Variants in C1orf35 observed in about 807,000 individuals in gnomAD.
C1orf35 encodes the protein chromosome 1 open reading frame 35, also known as multiple myeloma tumor-associated protein 2.
Under a neutral mutation model 30.9 loss-of-function variants are expected in C1orf35, and 36 were observed. The observed-to-expected ratio is 1.16, with a 90% CI of 0.89 to 1.54. The LOEUF (loss-of-function observed/expected upper bound fraction) is 1.54, where lower values mean the gene tolerates loss of function less well. Ranked by LOEUF, C1orf35 falls within the 40% of genes most tolerant of loss-of-function variation. The pLI is 0.00. For synonymous variants in C1orf35, 179 were observed against 148.2 expected (o/e 1.21, Z -1.51); for missense variants, 396 against 358.7 (o/e 1.10, Z -0.84).
rs773858150 is a variant in C1orf35, at chr1:228,102,281, T to C, written c.447+29A>G. The C allele has an allele frequency of 8.7e-6, 14 of 1,607,326 alleles. No individual in the cohort carries two copies. The East Asian group carries it at 2.0e-4, about 23-fold the overall frequency. On this transcript the variant is annotated intron_variant, in intron 5 of 7. Transcript: ENST00000272139. ...GCCCCGCCCCACCCCTGTTAGCCCC[T>C]GCTGCGGTCAGGCGGGGCGGGGGAT...
At chr1:228,102,232 C>G in intron 5 of C1orf35, 67 bp from the exon 6 acceptor site, 1 of 1,570,768 alleles carries the variant, frequency 6.4e-7, no homozygotes, top group South Asian at 1.1e-5. Context: ...CGCAGCGCCC[C>G]GGGGAGCTCC....
Position 228,102,488 on chromosome 1 carries a change from C to T in C1orf35, c.364G>A (p.Gly122Arg). 6.4e-7 allele frequency: 1 copy of T among 1,558,918 alleles called. No homozygotes were observed. The highest frequency in any genetic ancestry group is 8.7e-7 in the Non-Finnish European group (1 of 1,155,692). Residue 122 changes from glycine to arginine, a missense_variant, in exon 4 of 8, where the codon GGG (glycine) becomes AGG (arginine). By Grantham distance (125) the Gly-to-Arg change is moderately radical. Coordinates refer to ENST00000272139, the MANE Select transcript of C1orf35 (RefSeq NM_024319.4). ...EKGVDRLLGL[G>R]SASGSVGRVA... ...GAAACCCGCCCGCACCTTGCGCTCC[C>T]CAGCCCCAGCAGCCGGTCCACGCCC... is the stretch of plus-strand genomic sequence containing the variant.
chr1:228,102,839 C>G (rs1025884996), intron 2 of C1orf35, 60 bp downstream of exon 2: 23 of 1,385,506 alleles, frequency 1.7e-5, no homozygotes, highest in Non-Finnish European at 2.1e-5. Flanking sequence ...CGGCCCCGGC[C>G]CCACCCTGCC....
chr1:228,102,292 G>C lies in C1orf35; in HGVS notation c.447+18C>G, dbSNP rs920409852. 1.2e-6 allele frequency: 2 copies of C among 1,609,690 alleles called. No homozygotes were observed. Among genetic ancestry groups the C allele is most frequent in the East Asian group, 2.2e-5 (1 of 44,732 alleles). The stretch of plus-strand genomic sequence containing the variant: ...CCCCTGTTAGCCCCTGCTGCGGTCA[G>C]GCGGGGCGGGGGATTACCGTGAACA... On this transcript the variant is annotated intron_variant, in intron 5 of 7. Transcript: ENST00000272139.
At position 228,102,295 on chromosome 1, in the gene C1orf35, G is replaced by A. The variant is rs528084635; in HGVS notation, c.447+15C>T. On this transcript the variant is annotated intron_variant, in intron 5 of 7. Transcript: ENST00000272139. ...CTGTTAGCCCCTGCTGCGGTCAGGC[G>A]GGGCGGGGGATTACCGTGAACACAG... is the stretch of plus-strand genomic sequence containing the variant. The A allele has an allele frequency of 2.3e-5, 37 of 1,609,978 alleles. No homozygotes were observed. Among genetic ancestry groups the A allele is most frequent in the East Asian group, 2.0e-4 (9 of 44,732 alleles).
Position 228,102,538 on chromosome 1 carries a change from C to G in C1orf35, c.314G>C (p.Arg105Pro). The stretch of plus-strand genomic sequence containing the variant: ...CTTCTCCTCGGGGTCGCCTCCTTCC[C>G]GCTTGCAGACCTCCGCGAAGTCCTG... ...SKEDFAEVCK[R>P]EGGDPEEKGV... is the part of the protein sequence containing the mutation. The change falls in exon 4 of 8, where the codon CGG (arginine) becomes CCG (proline). Residue 105 changes from arginine to proline, a missense_variant. Arg to Pro is a moderately radical substitution (Grantham distance 103, BLOSUM62 -2). Coordinates refer to ENST00000272139, the MANE Select transcript of C1orf35 (RefSeq NM_024319.4). The G allele has an allele frequency of 6.4e-7, 1 of 1,558,800 alleles. No individual in the cohort carries two copies. Among genetic ancestry groups the G allele is most frequent in the Non-Finnish European group, 8.7e-7 (1 of 1,155,108 alleles).
rs747081660 is a variant in C1orf35 at position 228,102,705 on chromosome 1, G to T, written c.246-17C>A. ...TTGTAGCCACTGCGAGAGGGCCGGG[G>T]CAGGCGTCAGGACGGACGGACCTCC... On this transcript the variant is annotated splice_polypyrimidine_tract_variant and intron_variant, in intron 2 of 7. Coordinates refer to ENST00000272139, the MANE Select transcript of C1orf35 (RefSeq NM_024319.4). 2 of 1,603,306 alleles carry T rather than the reference G, an allele frequency of 1.2e-6. No homozygotes were observed. Among genetic ancestry groups the T allele is most frequent in the Admixed American group, 3.4e-5 (2 of 59,244 alleles).
At position 228,101,115 on chromosome 1, in the gene C1orf35, G is replaced by A. The variant is rs376487721; in HGVS notation, c.*16C>T. 61 of 1,611,442 alleles carry A rather than the reference G, an allele frequency of 3.8e-5. No homozygotes were observed. In the African/African-American group the frequency reaches 7.3e-4, roughly 19 times the overall value. ...GGGTTCAGGGTCCCACAACAGCAGT[G>A]AGCAGGGTCCAGCCATCAGGCCTCA... On this transcript the variant is annotated 3_prime_UTR_variant, in exon 8 of 8. Transcript: ENST00000272139.
intron 6 of C1orf35, chr1:228,101,804 C>A: frequency 7.1e-7 from 1 of 1,413,138 alleles, no homozygotes; most frequent in South Asian, 1.6e-5. Flanking sequence ...GGAGGTGCCA[C>A]CCACGGCAGG....
rs1197560602 is a variant in C1orf35 at position 228,101,017 on chromosome 1, T to A, written c.*114A>T. On this transcript the variant is annotated 3_prime_UTR_variant, in exon 8 of 8. Coordinates refer to ENST00000272139, the MANE Select transcript of C1orf35 (RefSeq NM_024319.4). ...CCACAGGCTGGTGCCCAGAGCCACT[T>A]CCACAGGAGCAGCCTCGGGCTTCAC... 2 of 1,492,244 alleles carry A rather than the reference T, an allele frequency of 1.3e-6. No homozygotes were observed. The highest frequency in any genetic ancestry group is 2.8e-5 in the African/African-American group (2 of 72,510). 92.4% of individuals were successfully genotyped at this position (1,492,244 alleles called of 1,614,324 possible). A position where few individuals can be genotyped will look rare whatever the true frequency, so the allele number is the denominator to read the frequency against.
At position 228,102,304 on chromosome 1, in the gene C1orf35, G is replaced by T; in HGVS notation, c.447+6C>A. On this transcript the variant is annotated splice_donor_region_variant and intron_variant, in intron 5 of 7. Coordinates refer to ENST00000272139, the MANE Select transcript of C1orf35 (RefSeq NM_024319.4). ...CCTGCTGCGGTCAGGCGGGGCGGGG[G>T]ATTACCGTGAACACAGACAGCCCCA... 1 of 1,610,842 alleles carries T rather than the reference G, an allele frequency of 6.2e-7. No homozygotes were observed. The highest frequency in any genetic ancestry group is 8.5e-7 in the Non-Finnish European group (1 of 1,179,570).
At chr1:228,102,035 A>AC (rs1156669294) in intron 6 of C1orf35, 45 bp downstream of exon 6, 6 of 1,477,904 alleles carry the variant, frequency 4.1e-6, no homozygotes, top group East Asian at 4.9e-5. Context: ...TCCTCCCGAG[A>AC]CCCCCCACCC....
Position 228,101,414 on chromosome 1 carries a change from T to C in C1orf35, c.593A>G (p.Lys198Arg), listed in dbSNP as rs767052631. ...TTTGTCTTTCTTCTTCTTCTCTTTC[T>C]TGTGTTTCCTCTTTTTCTTTTTCTT... ...EKKKKKKRKH[K>R]KEKKKKDKEH... The change falls in exon 7 of 8, where the codon AAG (lysine) becomes AGG (arginine). Residue 198 changes from lysine (K) to arginine (R), a missense_variant. Coordinates refer to ENST00000272139, the MANE Select transcript of C1orf35 (RefSeq NM_024319.4). 8.7e-5 allele frequency: 140 copies of C among 1,613,948 alleles called. 1 individual carries two copies. The highest frequency in any genetic ancestry group is 3.8e-4 in the Admixed American group (23 of 59,990).
At position 228,102,167 on chromosome 1, in the gene C1orf35, T is replaced by C. The variant is rs769205183; in HGVS notation, c.448-2A>G. 6.3e-7 allele frequency: 1 copy of C among 1,580,942 alleles called. No homozygotes were observed. Among genetic ancestry groups the C allele is most frequent in the East Asian group, 2.3e-5 (1 of 43,966 alleles). The stretch of plus-strand genomic sequence containing the variant: ...CCCGCCGCTCTCTACGCGGTGATGC[T>C]GCGGGAGAAGCGAGCTCTGCGGAGG... On this transcript the variant is annotated splice_acceptor_variant, in intron 5 of 7. Coordinates refer to ENST00000272139, the MANE Select transcript of C1orf35 (RefSeq NM_024319.4). LOFTEE classifies it high-confidence loss of function.
chr1:228,102,566 G>A lies in C1orf35; in HGVS notation c.292-6C>T. ...TTGCAGACCTCCGCGAAGTCCTGCA[G>A]GTGCGAGAGCACAGGGAGCGCTCGA... On this transcript the variant is annotated splice_region_variant and splice_polypyrimidine_tract_variant and intron_variant, in intron 3 of 7. Transcript: ENST00000272139. The A allele has an allele frequency of 1.9e-6, 3 of 1,566,548 alleles. No homozygotes were observed. Among genetic ancestry groups the A allele is most frequent in the Non-Finnish European group, 2.6e-6 (3 of 1,159,280 alleles).
rs772251124 is a variant in C1orf35, at chr1:228,102,630, C to A, written c.291+13G>T. The A allele has an allele frequency of 2.5e-6, 4 of 1,600,422 alleles. No homozygotes were observed. The highest frequency in any genetic ancestry group is 2.6e-6 in the Non-Finnish European group (3 of 1,175,534). ...CCACGGCCCTCCACGCGCCCCCCAC[C>A]CCGGGGAGTTACCTCCTTGCTCAGG... On this transcript the variant is annotated intron_variant, in intron 3 of 7. Coordinates refer to ENST00000272139, the MANE Select transcript of C1orf35 (RefSeq NM_024319.4).
At chr1:228,101,779 T>A in intron 6 of C1orf35, 1 of 1,406,558 alleles carries the variant, frequency 7.1e-7, no homozygotes, top group Non-Finnish European at 9.2e-7. Flanking sequence ...AGGCTCACCA[T>A]CCAGGAGAAG....
At position 228,100,810 on chromosome 1, in the gene C1orf35, G is replaced by T; in HGVS notation, c.*321C>A. 2.7e-6 allele frequency: 1 copy of T among 369,684 alleles called. No individual in the cohort carries two copies. Among genetic ancestry groups the T allele is most frequent in the Non-Finnish European group, 5.0e-6 (1 of 201,228 alleles). The allele number at this position is 369,684 out of a possible 1,614,324, so 22.9% of individuals were successfully genotyped here. A position where few individuals can be genotyped will look rare whatever the true frequency, so the allele number is the denominator to read the frequency against. ...AGGTCACCATACTTGGCCACAGTTA[G>T]ACCGCTCATAGGCCCATGGCTGCTG... On this transcript the variant is annotated 3_prime_UTR_variant, in exon 8 of 8. Coordinates refer to ENST00000272139, the MANE Select transcript of C1orf35 (RefSeq NM_024319.4).
intron 5 of C1orf35, 62 bp from the exon 6 acceptor site, chr1:228,102,227 C>A: frequency 6.4e-7 from 1 of 1,565,368 alleles, no homozygotes; most frequent in Non-Finnish European, 8.6e-7. Context: ...CGCCCCGCAG[C>A]GCCCCGGGGA....
Sources: gnomAD v4.1 joint callset for allele counts on GRCh38, gnomAD v4.1.1 for gene constraint, MANE v1.5 for transcripts, NCBI Gene and HGNC (gene_info 2026-07-23, HGNC 2026-07-21) for gene names.